The following DNAH3 variants were observed in gnomAD, a reference collection of about 807,000 sequenced individuals.
DNAH3 encodes the protein axonemal beta dynein heavy chain 3.
Under a neutral mutation model 432.5 loss-of-function variants are expected in DNAH3, and 332 were observed. That is an observed-to-expected ratio of 0.77 (90% confidence interval 0.70 to 0.84). The LOEUF (loss-of-function observed/expected upper bound fraction) is 0.84, where lower values mean the gene tolerates loss of function less well. Among genes scored for constraint, DNAH3 ranks in the 40% least tolerant of loss-of-function variants. The pLI is 0.00. For missense variants in DNAH3, 4,861 were observed against 5,114.0 expected, an observed-to-expected ratio of 0.95 and a Z score of 1.51; for synonymous variants, 1,956 against 1,900.2, an observed-to-expected ratio of 1.03 and a Z score of -0.76.
intron 56 of DNAH3, among the ~76,000 whole-genome samples, chr16:20,949,707 G>C (rs2084226397): frequency 6.6e-6 from 1 of 152,144 alleles, no homozygotes; most frequent in East Asian, 1.9e-4. Flanking sequence ...AAAGACTCTT[G>C]CTAATTCATG....
chr16:21,042,194 G>A, exon 32 of DNAH3: 2 of 1,601,942 alleles, frequency 1.2e-6, no homozygotes, highest in East Asian at 2.2e-5. Flanking sequence ...ACCACAGACA[G>A]CACTTCTACC....
At chr16:21,090,733 T>C (rs2091507781) in intron 18 of DNAH3, among the ~76,000 whole-genome samples, 1 of 152,080 alleles carries the variant, frequency 6.6e-6, no homozygotes, top group African/African-American at 2.4e-5. Context: ...TACCAGAGGC[T>C]TGGATGAGGC....
intron 16 of DNAH3, among the ~76,000 whole-genome samples, chr16:21,100,549 T>C (rs1368149840): frequency 1.3e-5 from 2 of 152,260 alleles, no homozygotes; most frequent in Non-Finnish European, 2.9e-5. Context: ...CCTTAGGCTT[T>C]GGTGAAACAC....
At chr16:20,965,173 T>G in exon 53 of DNAH3, 1 of 1,614,070 alleles carries the variant, frequency 6.2e-7, no homozygotes, top group Non-Finnish European at 8.5e-7. Context: ...TCGCTCCCGT[T>G]TGGGAGCCAC....
At chr16:21,083,078 G>A (rs905743441) in intron 19 of DNAH3, among the ~76,000 whole-genome samples, 7 of 150,516 alleles carry the variant, frequency 4.7e-5, no homozygotes, top group Non-Finnish European at 7.4e-5. Flanking sequence ...GTGCCATGGC[G>A]CAATCTCGGC....
chr16:21,000,678 G>A (rs1160983804), intron 42 of DNAH3, among the ~76,000 whole-genome samples, 160 bp from the exon 43 acceptor site: 1 of 152,152 alleles, frequency 6.6e-6, no homozygotes, highest in Non-Finnish European at 1.5e-5. Context: ...TTCTTCATCT[G>A]TGAAAAGGGG....
intron 21 of DNAH3, among the ~76,000 whole-genome samples, chr16:21,071,227 A>T (rs1459751360): frequency 2.0e-5 from 3 of 152,134 alleles, no homozygotes; most frequent in African/African-American, 7.2e-5. Context: ...TTTTTAGTAG[A>T]GACAGGGTTT....
chr16:20,964,003 T>C, exon 53 of DNAH3: 1 of 1,614,218 alleles, frequency 6.2e-7, no homozygotes, highest in South Asian at 1.1e-5. Context: ...CACTGGCTTG[T>C]AGCCCATCCG....
In DNAH3 at chr16:21,024,716, G is replaced by A. The variant is rs2088450031; in HGVS notation, c.5541-15C>T. 6.2e-7 allele frequency: 1 copy of A among 1,604,526 alleles called. No individual in the cohort carries two copies. Among genetic ancestry groups the A allele is most frequent in the African/African-American group, 1.3e-5 (1 of 74,820 alleles). ...TCATCCCACACCTGGGAAGCACAGA[G>A]GACCAGTTTAGGTGCTCGCTTCTTT... On this transcript the variant is annotated splice_polypyrimidine_tract_variant and intron_variant, in intron 38 of 61. Transcript: ENST00000261383.
intron 18 of DNAH3, among the ~76,000 whole-genome samples, chr16:21,095,786 A>T (rs1044148734): frequency 6.6e-6 from 1 of 152,044 alleles, no homozygotes; most frequent in East Asian, 1.9e-4. Context: ...TTTTTTTGAG[A>T]CAGGGTCTCG....
intron 16 of DNAH3, among the ~76,000 whole-genome samples, chr16:21,099,258 A>C (rs912378696): frequency 6.6e-6 from 1 of 152,008 alleles, no homozygotes; most frequent in Non-Finnish European, 1.5e-5. Context: ...GGATGGATGG[A>C]TGGATGGATG....
intron 16 of DNAH3, among the ~76,000 whole-genome samples, chr16:21,099,124 T>C (rs1188282451): frequency 1.3e-5 from 2 of 152,222 alleles, no homozygotes; most frequent in African/African-American, 2.4e-5. Context: ...GAGTGCCTAA[T>C]ATATTCTATA....
intron 11 of DNAH3, among the ~76,000 whole-genome samples, chr16:21,120,025 GCTTT>G (rs968227190): frequency 6.6e-6 from 1 of 151,188 alleles, no homozygotes; most frequent in Non-Finnish European, 1.5e-5. Context: ...ATGCTTTCCT[GCTTT>G]CTTTCTGTGT....
At chr16:20,989,408 A>G (rs978445596) in intron 44 of DNAH3, among the ~76,000 whole-genome samples, 1 of 151,438 alleles carries the variant, frequency 6.6e-6, no homozygotes, top group Non-Finnish European at 1.5e-5. Flanking sequence ...TCCTTGAGCT[A>G]GACATAAAGT....
chr16:21,048,376 T>C (rs548389534), intron 31 of DNAH3, among the ~76,000 whole-genome samples: 2 of 152,326 alleles, frequency 1.3e-5, no homozygotes, highest in Admixed American at 1.3e-4. Context: ...TATAATCTCG[T>C]GGTGCCCCGT....
intron 59 of DNAH3, among the ~76,000 whole-genome samples, 159 bp downstream of exon 59, chr16:20,941,242 T>A (rs1243646199): frequency 6.6e-6 from 1 of 152,204 alleles, no homozygotes; most frequent in Non-Finnish European, 1.5e-5. Flanking sequence ...AGGGTCAGCA[T>A]GTGCTGGGGA....
chr16:21,086,466 T>C (rs915086605), intron 19 of DNAH3, among the ~76,000 whole-genome samples: 7 of 152,140 alleles, frequency 4.6e-5, no homozygotes, highest in Admixed American at 4.6e-4. Flanking sequence ...ACTTTCTTTT[T>C]TGTGTATCCT....
chr16:21,141,381 A>G lies in DNAH3; in HGVS notation c.449-9T>C, dbSNP rs1449799333. ...TGATGAGCTTCTATTTCCTGGAAGA[A>G]TGGAGAAGAAAGACATCAGTGATGG... On this transcript the variant is annotated splice_polypyrimidine_tract_variant and intron_variant, in intron 3 of 61. Coordinates refer to ENST00000261383, the Ensembl canonical transcript of DNAH3. 1.3e-6 allele frequency: 2 copies of G among 1,581,028 alleles called. No homozygotes were observed. Among genetic ancestry groups the G allele is most frequent in the South Asian group, 2.3e-5 (2 of 87,360 alleles).
exon 42 of DNAH3, chr16:21,003,198 T>A: frequency 6.2e-7 from 1 of 1,608,330 alleles, no homozygotes; most frequent in Non-Finnish European, 8.5e-7. Context: ...ATAAAAATCA[T>A]AGATGCTTCC....
Sources: allele counts gnomAD v4.1 joint callset (sites outside exome capture counted in the v4.1 genomes callset), GRCh38; gene constraint gnomAD v4.1.1; transcripts MANE v1.5; gene names NCBI Gene and HGNC (gene_info 2026-07-23, HGNC 2026-07-21).